The following HIF1A variants were observed in gnomAD, a reference collection of about 807,000 sequenced individuals.
HIF1A encodes the protein hypoxia inducible factor 1 subunit alpha.
A neutral mutation model predicts 92.7 loss-of-function variants in HIF1A; 24 were observed. That is an observed-to-expected ratio of 0.26 (90% CI 0.19 to 0.36). The LOEUF (loss-of-function observed/expected upper bound fraction) is 0.36, where lower values mean the gene tolerates loss of function less well. Ranked by LOEUF, HIF1A falls within the 10% of genes least tolerant of loss-of-function variation. The pLI is 1.00. For missense variants in HIF1A, 799 were observed against 998.5 expected, an observed-to-expected ratio of 0.80 and a Z score of 2.69; for synonymous variants, 319 against 338.7, an observed-to-expected ratio of 0.94 and a Z score of 0.64.
intron 4 of HIF1A, among the ~76,000 whole-genome samples, chr14:61,722,404 T>G (rs921519711): frequency 6.6e-6 from 1 of 152,148 alleles, no homozygotes; most frequent in African/African-American, 2.4e-5. Flanking sequence ...TTTTTTCCTT[T>G]TCTTTTTAAA....
At chr14:61,729,156 C>T (rs2044543113) in intron 6 of HIF1A, among the ~76,000 whole-genome samples, 1 of 152,008 alleles carries the variant, frequency 6.6e-6, no homozygotes, top group African/African-American at 2.4e-5. Flanking sequence ...AATTCACATT[C>T]CTTATCTATA....
intron 1 of HIF1A, among the ~76,000 whole-genome samples, chr14:61,701,125 A>G (rs1215140588): frequency 6.6e-6 from 1 of 152,274 alleles, no homozygotes; most frequent in East Asian, 1.9e-4. Flanking sequence ...ATTTAAAACA[A>G]TAATTGAAAT....
chr14:61,740,899 T>A lies in HIF1A; in HGVS notation c.1804T>A (p.Phe602Ile). The A allele has an allele frequency of 3.1e-6, 5 of 1,614,212 alleles. No homozygotes were observed. The highest frequency in any genetic ancestry group is 4.2e-6 in the Non-Finnish European group (5 of 1,180,034). The change falls in exon 12 of 15, where the codon TTC (phenylalanine) becomes ATC (isoleucine). Residue 602 changes from phenylalanine to isoleucine, a missense_variant. Around this residue, in one of 2 missense-constraint regions of HIF1A, gnomAD observed 283 missense variants for 277.5 expected, o/e 1.02. Transcript: ENST00000337138. ...AAGTCCTCAAAGCACAGTTACAGTA[T>A]TCCAGCAGACTCAAATACAAGAACC... ...SASPQSTVTV[F>I]QQTQIQEPTA...
intron 12 of HIF1A, among the ~76,000 whole-genome samples, chr14:61,741,526 C>T (rs565781373): frequency 5.9e-5 from 9 of 151,878 alleles, no homozygotes; most frequent in East Asian, 1.9e-4. Flanking sequence ...CCACCACGCC[C>T]GGCTGATTTT....
Position 61,703,500 on chromosome 14 carries a change from T to A in HIF1A, c.35+7661T>A, listed in dbSNP as rs112713810. Among the ~76,000 whole-genome samples the A allele has an allele frequency of 7.3e-3, 1,105 of 152,318 alleles. 19 individuals are homozygous for A. Among genetic ancestry groups the A allele is most frequent in the African/African-American group, 0.025 (1,035 of 41,560 alleles). On this transcript the variant is annotated intron_variant, in intron 1 of 14. Transcript: ENST00000337138. ...TCCCTGACTTTTGTCTTGATATTAC[T>A]TGGCTTGTATACCTTTGCTCTATTT...
Position 61,721,757 on chromosome 14 carries a change from A to C in HIF1A, c.391A>C (p.Ser131Arg), listed in dbSNP as rs781578854. 1 of 1,613,338 alleles carries C rather than the reference A, an allele frequency of 6.2e-7. No homozygotes were observed. Among genetic ancestry groups the C allele is most frequent in the African/African-American group, 1.3e-5 (1 of 74,930 alleles). ...GLTQFELTGH[S>R]VFDFTHPCDH... ...TTTACAGTTTGAACTAACTGGACAC[A>C]GTGTGTTTGATTTTACTCATCCATG... Residue 131 changes from serine (S) to arginine (R), a missense_variant, in exon 4 of 15, where the codon AGT (serine) becomes CGT (arginine). This residue lies in a region of HIF1A where 516 missense variants were observed against 721.0 expected (regional missense o/e 0.72). Transcript: ENST00000337138.
At position 61,720,683 on chromosome 14, in the gene HIF1A, A is replaced by G. The variant is rs911813509; in HGVS notation, c.226+111A>G. Reference sequence around the variant, plus strand: ...GTTTTGATTTTGTATACCTCTTTATATTGTGATATGTACACGTTTAAAAAT... The same window carrying G: ...GTTTTGATTTTGTATACCTCTTTATGTTGTGATATGTACACGTTTAAAAAT... On this transcript the variant is annotated intron_variant, in intron 2 of 14. Coordinates refer to ENST00000337138, the MANE Select transcript of HIF1A (RefSeq NM_001530.4). 9 of 624,568 alleles carry G rather than the reference A, an allele frequency of 1.4e-5. No homozygotes were observed. In the Admixed American group the frequency reaches 2.7e-4, roughly 19 times the overall value. 38.7% of individuals were successfully genotyped at this position (624,568 alleles called of 1,614,324 possible).
In HIF1A at chr14:61,698,310, G is replaced by C. The variant is rs2301104; in HGVS notation, c.35+2471G>C. Among the ~76,000 whole-genome samples, 625 of 152,296 alleles carry C rather than the reference G, an allele frequency of 4.1e-3. 13 individuals carry two copies. In the East Asian group the frequency reaches 0.085, roughly 21 times the overall value. On this transcript the variant is annotated intron_variant, in intron 1 of 14. Coordinates refer to ENST00000337138, the MANE Select transcript of HIF1A (RefSeq NM_001530.4). ...GCAGCATATGGTGGTTAAGAGCATA[G>C]GATCTAGAGGCAGATACCTCTGAGT...
intron 2 of HIF1A, 86 bp from the exon 3 acceptor site, chr14:61,721,423 G>T (rs1594870765): frequency 2.6e-6 from 3 of 1,159,426 alleles, no homozygotes; most frequent in Non-Finnish European, 1.2e-6. Context: ...GTGTCTGCGA[G>T]AAAACTTTGT....
chr14:61,716,449 G>A (rs1453539031), intron 1 of HIF1A, among the ~76,000 whole-genome samples: 1 of 152,118 alleles, frequency 6.6e-6, no homozygotes. Flanking sequence ...TTTATTAGAA[G>A]TAAATCTGAT....
Position 61,695,809 on chromosome 14 carries a change from A to C in HIF1A, c.5A>C (p.Glu2Ala). 6.3e-7 allele frequency: 1 copy of C among 1,596,532 alleles called. No homozygotes were observed. The highest frequency in any genetic ancestry group is 8.5e-7 in the Non-Finnish European group (1 of 1,173,184). Residue 2 changes from glutamate (E) to alanine (A), a missense_variant, in exon 1 of 15, where the codon GAG becomes GCG. Transcript: ENST00000337138. M[E>A]GAGGANDKKK... is the part of the protein sequence containing the mutation. Reference sequence around the variant, plus strand: ...CATCGCGGGGACCGATTCACCATGGAGGGCGCCGGCGGCGCGAACGACAAG... The same window carrying C: ...CATCGCGGGGACCGATTCACCATGGCGGGCGCCGGCGGCGCGAACGACAAG...
At chr14:61,741,272 T>C (rs978764308) in intron 12 of HIF1A, 84 bp downstream of exon 12, 27 of 1,016,228 alleles carry the variant, frequency 2.7e-5, no homozygotes, top group East Asian at 1.3e-4. Context: ...TTTAAACTTA[T>C]AGCAAACTTT....
At chr14:61,741,287 T>C (rs4902080) in intron 12 of HIF1A, 99 bp downstream of exon 12, 745,055 of 804,300 alleles carry the variant, frequency 0.93, 348,015 homozygotes, top group Non-Finnish European at 0.96. Context: ...AACTTTCTGA[T>C]ATATATGCCC....
At chr14:61,745,980 T>C (rs181618115) in intron 14 of HIF1A, among the ~76,000 whole-genome samples, 163 bp downstream of exon 14, 1 of 152,182 alleles carries the variant, frequency 6.6e-6, no homozygotes. Flanking sequence ...TCCCAGCACT[T>C]TGGGAGGCCG....
At chr14:61,712,673 C>A (rs1159261680) in intron 1 of HIF1A, among the ~76,000 whole-genome samples, 1 of 150,118 alleles carries the variant, frequency 6.7e-6, no homozygotes, top group African/African-American at 2.5e-5. Flanking sequence ...CATTGATATG[C>A]TGGTTAATTA....
At chr14:61,707,929 T>C (rs2044260284) in intron 1 of HIF1A, among the ~76,000 whole-genome samples, 2 of 152,278 alleles carry the variant, frequency 1.3e-5, no homozygotes, top group Admixed American at 1.3e-4. Flanking sequence ...ACTAACAGTG[T>C]AAAAGTGTTC....
At chr14:61,715,724 G>A (rs2044356160) in intron 1 of HIF1A, 1 of 152,310 alleles carries the variant, frequency 6.6e-6, no homozygotes, top group South Asian at 2.0e-4. Flanking sequence ...CAAAGGCCAG[G>A]TTGGGTGGCT....
intron 6 of HIF1A, among the ~76,000 whole-genome samples, chr14:61,731,288 TGAGAA>T (rs1299852107): frequency 2.0e-5 from 3 of 152,254 alleles, no homozygotes; most frequent in Middle Eastern, 3.4e-3. Context: ...TAGAAAGACT[TGAGAA>T]GAGAGTATTT....
At chr14:61,741,255 CATG>C in intron 12 of HIF1A, 67 bp downstream of exon 12, 1 of 1,151,592 alleles carries the variant, frequency 8.7e-7, no homozygotes, top group Non-Finnish European at 1.2e-6. Flanking sequence ...TGTGATAGTA[CATG>C]ATTTTTAAAC....
Sources: gnomAD v4.1 joint callset for allele counts (sites outside exome capture counted in the v4.1 genomes callset) on GRCh38, gnomAD v4.1.1 for gene constraint, gnomAD v4.1.1 regional missense constraint, MANE v1.5 for transcripts, NCBI Gene and HGNC (gene_info 2026-07-23, HGNC 2026-07-21) for gene names.